The following PPCDC variants were observed in gnomAD, a reference collection of about 807,000 sequenced individuals.
PPCDC encodes phosphopantothenoylcysteine decarboxylase.
PPCDC carries 20 observed loss-of-function variants against 20.7 expected under a neutral mutation model. That is an observed-to-expected ratio of 0.97 (90% confidence interval 0.68 to 1.41). The LOEUF (loss-of-function observed/expected upper bound fraction) is 1.41, where lower values mean the gene tolerates loss of function less well. Ranked by LOEUF, PPCDC falls within the 40% of genes most tolerant of loss-of-function variation. The pLI, the probability that PPCDC is intolerant of heterozygous loss-of-function variation, is 0.00. For synonymous variants in PPCDC, 88 were observed against 100.3 expected (o/e 0.88, Z 0.73); for missense variants, 246 against 263.8 (o/e 0.93, Z 0.47).
rs1203201688 is a variant in PPCDC at position 75,050,144 on chromosome 15, A to C, written c.*909A>C. 6.6e-6 allele frequency: 1 copy of C among 152,268 alleles called. No individual in the cohort carries two copies. Among genetic ancestry groups the C allele is most frequent in the Non-Finnish European group, 1.5e-5 (1 of 68,048 alleles). 9.4% of individuals were successfully genotyped at this position (152,268 alleles called of 1,614,324 possible). ...ATGCCAGAGAGCTTTCCTAGCATTT[A>C]CTGCAATGCCCTGTCTCATTTTGGG... On this transcript the variant is annotated 3_prime_UTR_variant, in exon 6 of 6. Coordinates refer to ENST00000342932, the MANE Select transcript of PPCDC (RefSeq NM_021823.5).
intron 4 of PPCDC, chr15:75,044,990 A>C (rs1034155420): frequency 6.2e-6 from 1 of 160,884 alleles, no homozygotes; most frequent in African/African-American, 2.4e-5. Context: ...TTTCCTGTAT[A>C]TTAGGGGAAG....
chr15:75,040,516 A>G (rs1391052040), intron 2 of PPCDC, among the ~76,000 whole-genome samples: 1 of 152,184 alleles, frequency 6.6e-6, no homozygotes, highest in African/African-American at 2.4e-5. Context: ...TTTATACAAG[A>G]TATTGATGGA....
chr15:75,039,821 G>A (rs886715419), intron 2 of PPCDC, among the ~76,000 whole-genome samples: 1 of 136,400 alleles, frequency 7.3e-6, no homozygotes, highest in Non-Finnish European at 1.6e-5. Context: ...TTTCACTCTT[G>A]TTGCCCAGGC....
At position 75,028,326 on chromosome 15, in the gene PPCDC, C is replaced by A. The variant is rs2065981153; in HGVS notation, c.8C>A (p.Pro3Gln). The A allele has an allele frequency of 1.9e-6, 3 of 1,613,982 alleles. No homozygotes were observed. Among genetic ancestry groups the A allele is most frequent in the African/African-American group, 2.7e-5 (2 of 74,898 alleles). The change falls in exon 2 of 6, where the codon CCA becomes CAA. Residue 3 changes from proline (P) to glutamine (Q), a missense_variant. By Grantham distance (76) the Pro-to-Gln change is moderately conservative. This residue lies in a region of PPCDC where 225 missense variants were observed against 222.6 expected (regional missense o/e 1.01). Coordinates refer to ENST00000342932, the MANE Select transcript of PPCDC (RefSeq NM_021823.5). ...GAAGCCACCAGACCCCACATGGAAC[C>A]AAAGGCCTCCTGTCCAGCTGCTGCA... ME[P>Q]KASCPAAAPL...
At chr15:75,028,155 C>A in intron 1 of PPCDC, 92 bp from the exon 2 acceptor site, 1 of 908,902 alleles carries the variant, frequency 1.1e-6, no homozygotes, top group Non-Finnish European at 1.6e-6. Context: ...CCTTCCGCTG[C>A]CTCAGCCTCT....
intron 4 of PPCDC, among the ~76,000 whole-genome samples, chr15:75,047,712 A>T (rs1040311338): frequency 6.6e-6 from 1 of 152,206 alleles, no homozygotes; most frequent in Non-Finnish European, 1.5e-5. Flanking sequence ...CTGCCCAGGG[A>T]GGGACCTTTC....
intron 4 of PPCDC, among the ~76,000 whole-genome samples, chr15:75,045,983 G>A (rs1204523046): frequency 1.3e-5 from 2 of 151,870 alleles, no homozygotes; most frequent in East Asian, 3.9e-4. Flanking sequence ...GGCTGAGGCA[G>A]GAAAATTGCT....
intron 2 of PPCDC, among the ~76,000 whole-genome samples, chr15:75,032,898 T>C (rs1212191462): frequency 6.6e-6 from 1 of 152,170 alleles, no homozygotes; most frequent in African/African-American, 2.4e-5. Flanking sequence ...CCTCCCAGGC[T>C]CAAGCAGTCC....
intron 2 of PPCDC, among the ~76,000 whole-genome samples, chr15:75,037,382 G>T (rs778465278): frequency 3.3e-5 from 5 of 152,202 alleles, no homozygotes; most frequent in Non-Finnish European, 5.9e-5. Flanking sequence ...GCTGTTTTAT[G>T]TATTTGGAAG....
At chr15:75,046,663 C>T (rs2066238572) in intron 4 of PPCDC, among the ~76,000 whole-genome samples, 1 of 152,248 alleles carries the variant, frequency 6.6e-6, no homozygotes, top group African/African-American at 2.4e-5. Context: ...GCATTGGTGG[C>T]CTGTGGCTGT....
intron 4 of PPCDC, chr15:75,044,904 G>T: frequency 4.5e-6 from 1 of 224,572 alleles, no homozygotes; most frequent in Non-Finnish European, 9.1e-6. Context: ...CGCAGATCTG[G>T]GTATACACGT....
chr15:75,032,285 G>T (rs914433941), intron 2 of PPCDC, among the ~76,000 whole-genome samples: 1 of 152,196 alleles, frequency 6.6e-6, no homozygotes, highest in African/African-American at 2.4e-5. Context: ...CAAGGAGTCA[G>T]CAGGCCTCGG....
intron 2 of PPCDC, among the ~76,000 whole-genome samples, chr15:75,034,727 G>A (rs1013151075): frequency 3.3e-5 from 5 of 152,116 alleles, no homozygotes; most frequent in African/African-American, 4.8e-5. Context: ...CTGGCCCAGA[G>A]GACTGGGCCA....
chr15:75,043,670 C>A, intron 3 of PPCDC, 134 bp downstream of exon 3: 1 of 751,358 alleles, frequency 1.3e-6, no homozygotes, highest in Non-Finnish European at 2.2e-6. Context: ...GCCCTCTGGG[C>A]AGAGGCAATG....
intron 4 of PPCDC, 48 bp from the exon 5 acceptor site, chr15:75,048,505 G>T (rs1179455037): frequency 3.8e-6 from 6 of 1,590,180 alleles, no homozygotes; most frequent in Non-Finnish European, 4.3e-6. Context: ...GGTGGGGAGG[G>T]TGGCAGACAG....
intron 2 of PPCDC, among the ~76,000 whole-genome samples, chr15:75,033,869 C>T (rs1195287335): frequency 6.6e-6 from 1 of 152,128 alleles, no homozygotes; most frequent in East Asian, 1.9e-4. Flanking sequence ...GAACAACGTT[C>T]CTGTGCAGAG....
At chr15:75,048,478 T>A in intron 4 of PPCDC, 75 bp from the exon 5 acceptor site, 1 of 1,551,896 alleles carries the variant, frequency 6.4e-7, no homozygotes, top group Non-Finnish European at 8.7e-7. Flanking sequence ...GGCTGCTGGC[T>A]GCAGGGTCTG....
intron 1 of PPCDC, among the ~76,000 whole-genome samples, chr15:75,023,965 C>T (rs536141419): frequency 1.3e-5 from 2 of 152,284 alleles, no homozygotes; most frequent in South Asian, 4.1e-4. Flanking sequence ...ATGGCCGTGT[C>T]AGCTCCTCAC....
Position 75,028,261 on chromosome 15 carries a change from C to G in PPCDC, c.-58C>G, listed in dbSNP as rs2065980245. ...TCTCCTTTTAGATCCTAAATCCCGACAGCTTTATAGAGCCCAGGCCTGGCA... is the reference window on the plus strand; with the variant it reads ...TCTCCTTTTAGATCCTAAATCCCGAGAGCTTTATAGAGCCCAGGCCTGGCA... On this transcript the variant is annotated 5_prime_UTR_variant, in exon 2 of 6. Transcript: ENST00000342932. 2.5e-6 allele frequency: 4 copies of G among 1,581,444 alleles called. No individual in the cohort carries two copies. The highest frequency in any genetic ancestry group is 1.1e-5 in the South Asian group (1 of 87,694).
Sources: allele counts gnomAD v4.1 joint callset (sites outside exome capture counted in the v4.1 genomes callset), GRCh38; gene constraint gnomAD v4.1.1; regional missense constraint gnomAD v4.1.1; transcripts MANE v1.5; gene names NCBI Gene and HGNC (gene_info 2026-07-23, HGNC 2026-07-21).